PLEKHG1: variants seen among roughly 807,000 people sequenced by gnomAD.
The protein encoded by PLEKHG1 is pleckstrin homology domain-containing family G member 1.
PLEKHG1 carries 44 observed loss-of-function variants against 100.8 expected under a neutral mutation model. The ratio of observed to expected loss-of-function variants is 0.44; its 90% CI spans 0.34 to 0.56. PLEKHG1 has a LOEUF of 0.56. Ranked by LOEUF, PLEKHG1 falls within the 20% of genes least tolerant of loss-of-function variation. The pLI is 0.01. For missense variants in PLEKHG1, 1,545 were observed against 1,720.9 expected, an observed-to-expected ratio of 0.90 and a Z score of 1.81; for synonymous variants, 640 against 662.5, an observed-to-expected ratio of 0.97 and a Z score of 0.52.
intron 10 of PLEKHG1, among the ~76,000 whole-genome samples, chr6:150,811,429 C>T (rs1448982444): frequency 6.6e-6 from 1 of 151,972 alleles, no homozygotes; most frequent in Non-Finnish European, 1.5e-5. Flanking sequence ...TGCCACCACA[C>T]CAAGCTAATT....
At chr6:150,711,516 G>A (rs1386342318) in intron 3 of PLEKHG1, among the ~76,000 whole-genome samples, 1 of 152,202 alleles carries the variant, frequency 6.6e-6, no homozygotes, top group Non-Finnish European at 1.5e-5. Context: ...GCAGGGATGG[G>A]ATGTCTGGTA....
At position 150,683,734 on chromosome 6, in the gene PLEKHG1, A is replaced by G; in HGVS notation, c.-99+32948A>G. The G allele has an allele frequency of 8.0e-7, 1 of 1,244,096 alleles. No homozygotes were observed. The highest frequency in any genetic ancestry group is 1.0e-6 in the Non-Finnish European group (1 of 954,084). 77.1% of individuals were successfully genotyped at this position (1,244,096 alleles called of 1,614,324 possible). A position where few individuals can be genotyped will look rare whatever the true frequency, so the allele number is the denominator to read the frequency against. On this transcript the variant is annotated intron_variant, in intron 3 of 3. Transcript: ENST00000367326. The surrounding 1 kb of genome is among the most constrained non-coding windows in gnomAD (Gnocchi z 4.0). ...GACACACGGACCCCTCTGCGCTAGTATCCAGGGCATAGGACGTCTGAAGGA... is the reference window on the plus strand; with the variant it reads ...GACACACGGACCCCTCTGCGCTAGTGTCCAGGGCATAGGACGTCTGAAGGA...
At chr6:150,651,338 A>G (rs1582885137) in intron 3 of PLEKHG1, among the ~76,000 whole-genome samples, 1 of 152,014 alleles carries the variant, frequency 6.6e-6, no homozygotes, top group East Asian at 2.0e-4. Flanking sequence ...ATTTGAAGTG[A>G]TTCTCCTGCC....
At chr6:150,752,173 G>A (rs375584130) in intron 2 of PLEKHG1, among the ~76,000 whole-genome samples, 2 of 152,062 alleles carry the variant, frequency 1.3e-5, no homozygotes, top group Non-Finnish European at 2.9e-5. Flanking sequence ...GCGACAGAGC[G>A]AGACTCTGTC....
intron 3 of PLEKHG1, among the ~76,000 whole-genome samples, chr6:150,769,198 G>T (rs1452744357): frequency 1.3e-5 from 2 of 152,162 alleles, no homozygotes; most frequent in African/African-American, 2.4e-5. Context: ...AATTAAAAAT[G>T]TAAGTATGTA....
chr6:150,634,929 T>C (rs868571544), intron 1 of PLEKHG1, among the ~76,000 whole-genome samples: 1 of 152,072 alleles, frequency 6.6e-6, no homozygotes, highest in Non-Finnish European at 1.5e-5. Flanking sequence ...CCAAGAAGAG[T>C]TGGGAGCATT....
rs761187367 is a variant in PLEKHG1, at chr6:150,831,767, C to T, written c.2656C>T (p.Arg886Cys). 52 of 1,613,656 alleles carry T rather than the reference C, an allele frequency of 3.2e-5. 1 individual carries two copies. The East Asian group carries it at 4.9e-4, about 15-fold the overall frequency. Residue 886 changes from arginine to cysteine, a missense_variant, in exon 15 of 16, where the codon CGC becomes TGC. Transcript: ENST00000358517. This position sits in a 1 kb window ranked among gnomAD's most constrained non-coding sequence, Gnocchi z 4.1. Reference sequence around the variant, plus strand: ...CCCTGAGCTGAGCCGGGACGTGGGGCGCTCTGTGTCCACGCTGTCCCTGCC... The same window carrying T: ...CCCTGAGCTGAGCCGGGACGTGGGGTGCTCTGTGTCCACGCTGTCCCTGCC...
intron 3 of PLEKHG1, among the ~76,000 whole-genome samples, chr6:150,783,568 C>T (rs1003822781): frequency 2.6e-5 from 4 of 152,078 alleles, no homozygotes; most frequent in Admixed American, 2.6e-4. Flanking sequence ...TGGGGTTTCA[C>T]TGTGTTGGCC....
intron 3 of PLEKHG1, among the ~76,000 whole-genome samples, chr6:150,680,716 G>A (rs1779901022): frequency 6.6e-6 from 1 of 152,236 alleles, no homozygotes; most frequent in Admixed American, 6.5e-5. Flanking sequence ...GTTGGGTTAA[G>A]CAGCATCATA....
chr6:150,754,759 C>T lies in PLEKHG1; in HGVS notation c.412-13879C>T, dbSNP rs145916378. On this transcript the variant is annotated intron_variant, in intron 2 of 15. Coordinates refer to ENST00000358517, the Ensembl canonical transcript of PLEKHG1. ...TCTTGGCTCACCGCAACCTCTGCCT[C>T]CAGGGTTCAAGCAGTTCTCCTGCCT... Among the ~76,000 whole-genome samples the T allele has an allele frequency of 7.3e-3, 1,101 of 151,562 alleles. 12 individuals carry two copies. The highest frequency in any genetic ancestry group is 0.025 in the African/African-American group (1,045 of 41,296).
At chr6:150,626,730 C>T (rs1175645012) in intron 1 of PLEKHG1, among the ~76,000 whole-genome samples, 3 of 152,110 alleles carry the variant, frequency 2.0e-5, no homozygotes, top group East Asian at 1.9e-4. Flanking sequence ...TCAAGCCCAT[C>T]GTTTGAGATT....
At chr6:150,701,375 A>G (rs1780765583) in intron 3 of PLEKHG1, among the ~76,000 whole-genome samples, 1 of 136,662 alleles carries the variant, frequency 7.3e-6, no homozygotes, top group African/African-American at 2.6e-5. Context: ...ATATCTGTAG[A>G]TGACCTGGAA....
chr6:150,707,177 A>G (rs1403606006), intron 3 of PLEKHG1, among the ~76,000 whole-genome samples: 1 of 149,836 alleles, frequency 6.7e-6, no homozygotes, highest in East Asian at 2.0e-4. Flanking sequence ...GCTAATTTTT[A>G]TATTTTTAGT....
intron 3 of PLEKHG1, among the ~76,000 whole-genome samples, chr6:150,676,707 T>G (rs1779767272): frequency 6.6e-6 from 1 of 152,198 alleles, no homozygotes; most frequent in African/African-American, 2.4e-5. Context: ...ATAATTCATG[T>G]TCAAAAATGT....
At chr6:150,764,959 T>TA (rs1554269781) in intron 2 of PLEKHG1, among the ~76,000 whole-genome samples, 223 of 152,080 alleles carry the variant, frequency 1.5e-3, no homozygotes, top group African/African-American at 5.0e-3. Flanking sequence ...CATTTTTTTT[T>TA]AATTCTTATC....
chr6:150,826,842 T>C (rs1190079658), intron 14 of PLEKHG1, among the ~76,000 whole-genome samples: 1 of 152,100 alleles, frequency 6.6e-6, no homozygotes, highest in Non-Finnish European at 1.5e-5. Context: ...TCTGACTATG[T>C]TGCTCAGGCT....
chr6:150,642,522 G>T (rs1432463717), intron 2 of PLEKHG1, among the ~76,000 whole-genome samples: 3 of 152,212 alleles, frequency 2.0e-5, no homozygotes, highest in Non-Finnish European at 4.4e-5. Flanking sequence ...CCAAGACCAA[G>T]ATTTTAATAT....
At chr6:150,758,907 A>C (rs560152373) in intron 2 of PLEKHG1, among the ~76,000 whole-genome samples, 226 of 152,210 alleles carry the variant, frequency 1.5e-3, no homozygotes, top group Non-Finnish European at 2.8e-3. Context: ...AATTCTCTAG[A>C]GCTAAAACAC....
At chr6:150,625,250 A>T (rs1427490188) in intron 1 of PLEKHG1, among the ~76,000 whole-genome samples, 2 of 152,212 alleles carry the variant, frequency 1.3e-5, no homozygotes, top group African/African-American at 4.8e-5. Context: ...GGCTTCAATG[A>T]CAGAAATATA....
Sources: gnomAD v4.1 joint callset for allele counts (sites outside exome capture counted in the v4.1 genomes callset) on GRCh38, gnomAD v4.1.1 for gene constraint, Gnocchi (gnomAD v3.1) non-coding constraint, MANE v1.5 for transcripts, NCBI Gene and HGNC (gene_info 2026-07-23, HGNC 2026-07-21) for gene names.